The following UBA6 variants were observed in gnomAD, a reference collection of about 807,000 sequenced individuals.
UBA6 encodes ubiquitin-like modifier-activating enzyme 6.
Under a neutral mutation model 148.3 loss-of-function variants are expected in UBA6, and 87 were observed. That is an observed-to-expected ratio of 0.59 (90% CI 0.49 to 0.70). The LOEUF is 0.70. Ranked by LOEUF, UBA6 falls within the 30% of genes least tolerant of loss-of-function variation. UBA6 has a pLI of 0.00. For missense variants in UBA6, 1,186 were observed against 1,241.2 expected (o/e 0.96, Z 0.67); for synonymous variants, 376 against 401.0 (o/e 0.94, Z 0.75).
intron 2 of UBA6, among the ~76,000 whole-genome samples, chr4:67,696,208 A>T (rs1317541744): frequency 6.6e-6 from 1 of 152,144 alleles, no homozygotes; most frequent in Non-Finnish European, 1.5e-5. Context: ...CAACTCCTGC[A>T]CTATCAAGAA....
intron 26 of UBA6, among the ~76,000 whole-genome samples, chr4:67,630,000 T>C (rs1351253684): frequency 1.3e-5 from 2 of 152,080 alleles, no homozygotes; most frequent in Non-Finnish European, 2.9e-5. Context: ...TTTAAGAGAA[T>C]GAGTATGATG....
At chr4:67,656,269 A>T (rs1156454455) in intron 13 of UBA6, among the ~76,000 whole-genome samples, 8 of 152,194 alleles carry the variant, frequency 5.3e-5, no homozygotes, top group African/African-American at 1.7e-4. Flanking sequence ...CCTGGTGAAC[A>T]TTGATGCAAA....
chr4:67,649,373 C>G (rs1729498214), intron 13 of UBA6, among the ~76,000 whole-genome samples, 162 bp from the exon 14 acceptor site: 1 of 152,100 alleles, frequency 6.6e-6, no homozygotes, highest in Admixed American at 6.6e-5. Flanking sequence ...GATAACAGAC[C>G]CATTTGCGTG....
chr4:67,665,408 A>C, intron 9 of UBA6, 116 bp from the exon 10 acceptor site: 1 of 601,270 alleles, frequency 1.7e-6, no homozygotes, highest in Non-Finnish European at 2.7e-6. Flanking sequence ...GAATTCCAGC[A>C]TAGTGTTTTT....
intron 27 of UBA6, among the ~76,000 whole-genome samples, chr4:67,628,520 G>A (rs1265369039): frequency 6.6e-6 from 1 of 151,486 alleles, no homozygotes; most frequent in African/African-American, 2.4e-5. Flanking sequence ...AATTATACCA[G>A]CTCCATCACT....
At chr4:67,661,346 C>G (rs1440725567) in intron 13 of UBA6, among the ~76,000 whole-genome samples, 1 of 152,096 alleles carries the variant, frequency 6.6e-6, no homozygotes, top group Non-Finnish European at 1.5e-5. Flanking sequence ...AGGGCAGGAC[C>G]ACGTGGAGGT....
intron 27 of UBA6, among the ~76,000 whole-genome samples, chr4:67,626,724 T>C (rs1728878310): frequency 6.6e-6 from 1 of 151,924 alleles, no homozygotes; most frequent in African/African-American, 2.4e-5. Context: ...GGGATCTTTA[T>C]GTATCTTGTT....
chr4:67,623,791 C>T (rs1441520276), intron 30 of UBA6, among the ~76,000 whole-genome samples: 1 of 151,694 alleles, frequency 6.6e-6, no homozygotes, highest in African/African-American at 2.4e-5. Flanking sequence ...AAGTACAGGC[C>T]CAGGAATTGT....
intron 32 of UBA6, among the ~76,000 whole-genome samples, chr4:67,620,259 G>A (rs1728723132): frequency 6.6e-6 from 1 of 152,082 alleles, no homozygotes; most frequent in East Asian, 1.9e-4. Flanking sequence ...GCAAATTAAT[G>A]CCTTAGCTAA....
rs1376826764 is a variant in UBA6, at chr4:67,682,095, A to C, written c.229+24T>G. The C allele has an allele frequency of 3.2e-6, 5 of 1,562,250 alleles. No homozygotes were observed. In the African/African-American group the frequency reaches 6.8e-5, roughly 21 times the overall value. On this transcript the variant is annotated intron_variant, in intron 3 of 32. Transcript: ENST00000322244. ...TCTTCATTGCTCAAAAGTGTCAAAAATTAGGAATATAAATATTGCTTACCA... is the reference window on the plus strand; with the variant it reads ...TCTTCATTGCTCAAAAGTGTCAAAACTTAGGAATATAAATATTGCTTACCA...
At chr4:67,676,692 A>G (rs545330722) in intron 6 of UBA6, among the ~76,000 whole-genome samples, 3 of 152,334 alleles carry the variant, frequency 2.0e-5, no homozygotes, top group South Asian at 4.1e-4. Flanking sequence ...GAGTACCTAC[A>G]GATAACAGTT....
At chr4:67,630,660 GTTTTT>G (rs75927546) in intron 25 of UBA6, 125 bp from the exon 26 acceptor site, 4 of 505,410 alleles carry the variant, frequency 7.9e-6, no homozygotes, top group Non-Finnish European at 1.3e-5. Context: ...ATTATTTCAA[GTTTTT>G]TTTTTTAAGT....
At chr4:67,632,009 T>G in intron 23 of UBA6, 101 bp from the exon 24 acceptor site, 1 of 1,115,332 alleles carries the variant, frequency 9.0e-7, no homozygotes, top group Non-Finnish European at 1.3e-6. Flanking sequence ...TATATGCACA[T>G]GATTCAAAAA....
Position 67,682,188 on chromosome 4 carries a change from T to C in UBA6, c.160A>G (p.Thr54Ala), listed in dbSNP as rs532413690. ...GACTTGGCCATCTTCTGCATTGCTG[T>C]GTCTCCAAGAACGTACCTCTGTCGA... Reference protein sequence around the residue: ...YSRQRYVLGDTAMQKMAKSHV... With the variant: ...YSRQRYVLGDAAMQKMAKSHV... Residue 54 changes from threonine (T) to alanine (A), a missense_variant, in exon 3 of 33, where the codon ACA becomes GCA. Thr to Ala is a moderately conservative substitution (Grantham distance 58, BLOSUM62 0). Coordinates refer to ENST00000322244, the MANE Select transcript of UBA6 (RefSeq NM_018227.6). 6.2e-7 allele frequency: 1 copy of C among 1,613,842 alleles called. No homozygotes were observed. Among genetic ancestry groups the C allele is most frequent in the African/African-American group, 1.3e-5 (1 of 75,032 alleles).
intron 26 of UBA6, among the ~76,000 whole-genome samples, chr4:67,630,116 A>G (rs902648789): frequency 1.3e-5 from 2 of 152,160 alleles, no homozygotes; most frequent in African/African-American, 2.4e-5. Context: ...ATCTCTACGC[A>G]GTATTTCAAA....
intron 17 of UBA6, among the ~76,000 whole-genome samples, chr4:67,642,205 C>T (rs1192138914): frequency 6.6e-6 from 1 of 151,994 alleles, no homozygotes; most frequent in Non-Finnish European, 1.5e-5. Flanking sequence ...TTGTACTGGA[C>T]TGACCAAGTT....
At chr4:67,636,847 C>A (rs1346622995) in intron 19 of UBA6, among the ~76,000 whole-genome samples, 1 of 152,088 alleles carries the variant, frequency 6.6e-6, no homozygotes, top group Non-Finnish European at 1.5e-5. Context: ...CTCTGCCTGG[C>A]CGCCCATCGT....
intron 26 of UBA6, 121 bp downstream of exon 26, chr4:67,630,345 A>C (rs1728967903): frequency 1.4e-6 from 1 of 731,616 alleles, no homozygotes; most frequent in Non-Finnish European, 2.2e-6. Flanking sequence ...TACAATAAAA[A>C]TTCTGTATCA....
intron 6 of UBA6, among the ~76,000 whole-genome samples, chr4:67,676,425 GT>G (rs1239051431): frequency 2.0e-5 from 3 of 152,150 alleles, no homozygotes; most frequent in African/African-American, 7.2e-5. Context: ...ACGCCTAATG[GT>G]TATGAATTCC....
Sources: allele counts gnomAD v4.1 joint callset (sites outside exome capture counted in the v4.1 genomes callset), GRCh38; gene constraint gnomAD v4.1.1; transcripts MANE v1.5; gene names NCBI Gene and HGNC (gene_info 2026-07-23, HGNC 2026-07-21).